The following HEATR9 variants were observed in gnomAD, a reference collection of about 807,000 sequenced individuals.
HEATR9 encodes HEAT repeat containing 9, also known as protein HEATR9.
A neutral mutation model predicts 68.2 loss-of-function variants in HEATR9; 54 were observed. That is an observed-to-expected ratio of 0.79 (90% confidence interval 0.64 to 0.99). The LOEUF is 0.99. HEATR9 is among the 50% of genes least tolerant of loss of function. The pLI is 0.00. For missense variants in HEATR9, 662 were observed against 679.7 expected, an observed-to-expected ratio of 0.97 and a Z score of 0.29; for synonymous variants, 241 against 253.5, an observed-to-expected ratio of 0.95 and a Z score of 0.47.
rs573884223 is a variant in HEATR9 at position 35,865,134 on chromosome 17, T to C, written c.320+81A>G. On this transcript the variant is annotated intron_variant, in intron 3 of 14. Transcript: ENST00000604834. ...CTGTAGGCTGACTTGCCTTACTCCC[T>C]GGCCCACCCCTTCCTTGCCCTTCCT... is the stretch of plus-strand genomic sequence containing the variant. The C allele has an allele frequency of 5.3e-6, 8 of 1,507,964 alleles. No homozygotes were observed. In the East Asian group the frequency reaches 1.8e-4, roughly 34 times the overall value. The allele number at this position is 1,507,964 out of a possible 1,614,324, so 93.4% of individuals were successfully genotyped here.
chr17:35,858,115 C>T (rs1244836031), intron 11 of HEATR9, 85 bp downstream of exon 11: 11 of 1,558,686 alleles, frequency 7.1e-6, no homozygotes, highest in East Asian at 2.2e-5. Context: ...TGTGATACTT[C>T]GGTGGAGGCC....
intron 8 of HEATR9, among the ~76,000 whole-genome samples, chr17:35,860,064 T>C (rs1473606924): frequency 6.6e-6 from 1 of 152,018 alleles, no homozygotes; most frequent in Non-Finnish European, 1.5e-5. Flanking sequence ...TCTTAGACCT[T>C]ATCTCTTCTC....
In HEATR9 at chr17:35,863,536, C is replaced by T. The variant is rs1257100353; in HGVS notation, c.591G>A (p.Val197=). 2 of 1,614,206 alleles carry T rather than the reference C, an allele frequency of 1.2e-6. No homozygotes were observed. Among genetic ancestry groups the T allele is most frequent in the East Asian group, 2.2e-5 (1 of 44,884 alleles). ...CCAGGGTTCGGTAGGCCTCGTACTTCACTTTCTCTGGACCAGTTTGGGCCT... is the reference window on the plus strand; with the variant it reads ...CCAGGGTTCGGTAGGCCTCGTACTTTACTTTCTCTGGACCAGTTTGGGCCT... The part of the protein sequence containing the change: ...QQVAQTGPEK[V]KYEAYRTLAI... Residue 197 remains valine (V), a synonymous_variant, in exon 7 of 15, where the codon GTG becomes GTA. Coordinates refer to ENST00000604834, the MANE Select transcript of HEATR9 (RefSeq NM_152781.4).
rs950332105 is a variant in HEATR9 at position 35,858,487 on chromosome 17, T to G, written c.978A>C (p.Ser326=). The G allele has an allele frequency of 1.2e-6, 2 of 1,613,988 alleles. No individual in the cohort carries two copies. The highest frequency in any genetic ancestry group is 1.7e-6 in the Non-Finnish European group (2 of 1,179,998). Residue 326 remains serine, a synonymous_variant, in exon 10 of 15, where the codon TCA becomes TCC. Coordinates refer to ENST00000604834, the MANE Select transcript of HEATR9 (RefSeq NM_152781.4). ...RMLVKVMHVH[S]APVIKAILDQ... Reference sequence around the variant, plus strand: ...CTAGGATGGCCTTGATGACTGGGGCTGAGTGCACGTGCATCACCTTGACCA... The same window carrying G: ...CTAGGATGGCCTTGATGACTGGGGCGGAGTGCACGTGCATCACCTTGACCA...
Position 35,866,709 on chromosome 17 carries a change from A to G in HEATR9, c.138+15T>C. 6.2e-7 allele frequency: 1 copy of G among 1,612,930 alleles called. No individual in the cohort carries two copies. Among genetic ancestry groups the G allele is most frequent in the South Asian group, 1.1e-5 (1 of 91,054 alleles). On this transcript the variant is annotated intron_variant, in intron 2 of 14. Coordinates refer to ENST00000604834, the MANE Select transcript of HEATR9 (RefSeq NM_152781.4). ...TTGATACAGCTCCCAGGGTAGCAAA[A>G]GTAAGGGGTCTTACCTGGTAGCAGG...
At chr17:35,861,041 G>A in intron 8 of HEATR9, 3 of 756,238 alleles carry the variant, frequency 4.0e-6, no homozygotes, top group Non-Finnish European at 7.0e-6. Context: ...GCGAGATTCG[G>A]TCTCAAAAAA....
At chr17:35,865,735 G>A (rs2088177202) in intron 2 of HEATR9, among the ~76,000 whole-genome samples, 1 of 152,158 alleles carries the variant, frequency 6.6e-6, no homozygotes, top group Non-Finnish European at 1.5e-5. Context: ...GGTTAGTTGA[G>A]GATCTCAAAG....
intron 8 of HEATR9, 77 bp downstream of exon 8, chr17:35,862,918 C>T (rs1220446052): frequency 1.3e-6 from 2 of 1,598,874 alleles, no homozygotes; most frequent in East Asian, 2.2e-5. Context: ...TACCTTCTTC[C>T]TCACCCAACC....
intron 9 of HEATR9, 122 bp from the exon 10 acceptor site, chr17:35,858,647 C>T (rs934618409): frequency 6.7e-5 from 62 of 919,192 alleles, no homozygotes; most frequent in East Asian, 1.1e-4. Context: ...TCTGCCTCTT[C>T]GCCTCTTGAC....
At position 35,855,178 on chromosome 17, in the gene HEATR9, G is replaced by A. The variant is rs143722904; in HGVS notation, c.1598C>T (p.Thr533Met). 7.1e-5 allele frequency: 114 copies of A among 1,613,950 alleles called. No homozygotes were observed. The South Asian group carries it at 9.3e-4, about 13-fold the overall frequency. The change falls in exon 15 of 15, where the codon ACG (threonine) becomes ATG (methionine). Residue 533 changes from threonine (T) to methionine (M), a missense_variant. Physicochemically the swap from Thr to Met is moderately conservative, Grantham distance 81. Coordinates refer to ENST00000604834, the MANE Select transcript of HEATR9 (RefSeq NM_152781.4). ...CGAGCAGCACGGTGGGAAAGCAGGC[G>A]TTTTCTTTTGGCCTACTTTGGTGAT... ...KSITKVGQKK[T>M]PAFPPCCSKP...
At chr17:35,862,434 C>G (rs78611913) in intron 8 of HEATR9, among the ~76,000 whole-genome samples, 297 of 152,306 alleles carry the variant, frequency 2.0e-3, no homozygotes, top group African/African-American at 7.0e-3. Context: ...TCTGAGGACT[C>G]TCTTGGGCCC....
chr17:35,866,820 G>A lies in HEATR9; in HGVS notation c.89-47C>T, dbSNP rs753355331. On this transcript the variant is annotated intron_variant, in intron 1 of 14. Transcript: ENST00000604834. ...TGTGTGTGGTTCAAATGAGATAGCA[G>A]TTGCAGGCCAGGCTTGGTGGCTTCT... The A allele has an allele frequency of 2.6e-5, 41 of 1,587,994 alleles. No homozygotes were observed. In the South Asian group the frequency reaches 4.4e-4, roughly 17 times the overall value.
At chr17:35,859,863 C>T (rs754496208) in intron 8 of HEATR9, among the ~76,000 whole-genome samples, 1 of 152,196 alleles carries the variant, frequency 6.6e-6, no homozygotes, top group Non-Finnish European at 1.5e-5. Context: ...ACACTTCTTC[C>T]TCTATTCTTA....
At chr17:35,856,341 A>G (rs770910554) in intron 12 of HEATR9, 117 bp from the exon 13 acceptor site, 24 of 1,609,640 alleles carry the variant, frequency 1.5e-5, no homozygotes, top group African/African-American at 2.7e-5. Context: ...AATTTCATTC[A>G]TTTCCTTCTC....
chr17:35,855,130 T>C lies in HEATR9; in HGVS notation c.1646A>G (p.Gln549Arg), dbSNP rs1159400437. The change falls in exon 15 of 15, where the codon CAG (glutamine) becomes CGG (arginine). Residue 549 changes from glutamine (Q) to arginine (R), a missense_variant. By Grantham distance (43) the Gln-to-Arg change is conservative (BLOSUM62 1). Coordinates refer to ENST00000604834, the MANE Select transcript of HEATR9 (RefSeq NM_152781.4). ...CCSKPRKHRP[Q>R]VIGPWQPRIK... ...CCTTGGCTGCCAGGGCCCTATGACCTGTGGCCTATGTTTTCGTGGTTTCGA... is the reference window on the plus strand; with the variant it reads ...CCTTGGCTGCCAGGGCCCTATGACCCGTGGCCTATGTTTTCGTGGTTTCGA... 2 of 1,614,116 alleles carry C rather than the reference T, an allele frequency of 1.2e-6. No individual in the cohort carries two copies. Among genetic ancestry groups the C allele is most frequent in the South Asian group, 1.1e-5 (1 of 91,092 alleles).
At chr17:35,856,447 TTA>T (rs2143876101) in intron 12 of HEATR9, 1 of 1,292,138 alleles carries the variant, frequency 7.7e-7, no homozygotes, top group East Asian at 2.5e-5. Flanking sequence ...TCCAGAAATT[TTA>T]TCTTTTTAAA....
At chr17:35,863,849 A>G (rs568951422) in intron 6 of HEATR9, 141 of 562,804 alleles carry the variant, frequency 2.5e-4, no homozygotes, top group Middle Eastern at 4.6e-4. Flanking sequence ...AGAAATACAG[A>G]TACTAATTCC....
At position 35,855,099 on chromosome 17, in the gene HEATR9, C is replaced by A; in HGVS notation, c.1677G>T (p.Lys559Asn). The A allele has an allele frequency of 6.2e-7, 1 of 1,613,970 alleles. No homozygotes were observed. Among genetic ancestry groups the A allele is most frequent in the Non-Finnish European group, 8.5e-7 (1 of 1,180,006 alleles). ...QVIGPWQPRI[K>N]KQLRVLAEIA... ...TTTCAGCAAGGACCCGGAGCTGTTT[C>A]TTGATCCTTGGCTGCCAGGGCCCTA... is the stretch of plus-strand genomic sequence containing the variant. Residue 559 changes from lysine (K) to asparagine (N), a missense_variant, in exon 15 of 15, where the codon AAG becomes AAT. Coordinates refer to ENST00000604834, the MANE Select transcript of HEATR9 (RefSeq NM_152781.4).
rs2087843865 is a variant in HEATR9 at position 35,858,182 on chromosome 17, A to G, written c.1152+18T>C. 1 of 1,613,954 alleles carries G rather than the reference A, an allele frequency of 6.2e-7. No homozygotes were observed. On this transcript the variant is annotated intron_variant, in intron 11 of 14. Coordinates refer to ENST00000604834, the MANE Select transcript of HEATR9 (RefSeq NM_152781.4). ...AGGTTTGGGTGTCTCTGGGCTTGGG[A>G]GCTTTGGTCTCACTTACAAGGAAGG...
Sources: gnomAD v4.1 joint callset for allele counts (sites outside exome capture counted in the v4.1 genomes callset) on GRCh38, gnomAD v4.1.1 for gene constraint, MANE v1.5 for transcripts, NCBI Gene and HGNC (gene_info 2026-07-23, HGNC 2026-07-21) for gene names.